The following ITPR1 variants were observed in gnomAD, a reference collection of about 807,000 sequenced individuals.
The protein encoded by ITPR1 is inositol 1,4,5-trisphosphate-gated calcium channel ITPR1.
Under a neutral mutation model 318.4 loss-of-function variants are expected in ITPR1, and 96 were observed. The observed-to-expected ratio is 0.30, with a 90% confidence interval of 0.26 to 0.36. The LOEUF is 0.36. ITPR1 is among the 10% of genes least tolerant of loss of function. The pLI is 1.00. For synonymous variants in ITPR1, 1,312 were observed against 1,289.9 expected (o/e 1.02, Z -0.37); for missense variants, 2,440 against 3,460.2 (o/e 0.71, Z 7.40).
intron 4 of ITPR1, among the ~76,000 whole-genome samples, chr3:4,573,846 A>G (rs1267435864): frequency 6.6e-6 from 1 of 152,206 alleles, no homozygotes; most frequent in East Asian, 1.9e-4. Context: ...ACTTTCTGAC[A>G]TCGTAGTGTA....
chr3:4,753,041 G>T (rs887520666), intron 44 of ITPR1, among the ~76,000 whole-genome samples: 10 of 152,210 alleles, frequency 6.6e-5, no homozygotes, highest in African/African-American at 1.7e-4. Context: ...GGGAGATACC[G>T]TTCAAGCTGA....
chr3:4,652,133 A>G lies in ITPR1; in HGVS notation c.866A>G (p.His289Arg), dbSNP rs2093610685. ...KALWEVEVVQ[H>R]DPCRGGAGYW... ...TGATCATTCTTGCAGGTGGTCCAGC[A>G]TGACCCATGTCGGGGCGGAGCAGGG... Residue 289 changes from histidine to arginine, a missense_variant, in exon 11 of 62, where the codon CAT (histidine) becomes CGT (arginine). Transcript: ENST00000649015. 1.2e-6 allele frequency: 2 copies of G among 1,612,168 alleles called. No individual in the cohort carries two copies. The highest frequency in any genetic ancestry group is 1.7e-6 in the Non-Finnish European group (2 of 1,179,250).
At chr3:4,522,658 C>T (rs1474747729) in intron 4 of ITPR1, among the ~76,000 whole-genome samples, 1 of 152,212 alleles carries the variant, frequency 6.6e-6, no homozygotes, top group African/African-American at 2.4e-5. Flanking sequence ...AAGACAAAAT[C>T]TTGAGTGCTG....
intron 61 of ITPR1, among the ~76,000 whole-genome samples, chr3:4,845,706 G>A (rs1474243571): frequency 6.6e-6 from 1 of 152,024 alleles, no homozygotes; most frequent in African/African-American, 2.4e-5. Context: ...GAAAAATCAG[G>A]ACCCACTGAA....
chr3:4,755,698 G>T (rs1463548576), intron 44 of ITPR1, among the ~76,000 whole-genome samples: 1 of 152,234 alleles, frequency 6.6e-6, no homozygotes, highest in Non-Finnish European at 1.5e-5. Context: ...TGAAGGAAGG[G>T]TTCTTTGTCC....
At chr3:4,594,943 G>C (rs1431023389) in intron 4 of ITPR1, among the ~76,000 whole-genome samples, 5 of 152,152 alleles carry the variant, frequency 3.3e-5, no homozygotes, top group Non-Finnish European at 7.3e-5. Context: ...GTATAGCAAA[G>C]TGGTTAAGGG....
intron 36 of ITPR1, among the ~76,000 whole-genome samples, chr3:4,703,657 T>C (rs189949844): frequency 3.9e-5 from 6 of 152,276 alleles, no homozygotes; most frequent in Admixed American, 3.9e-4. Flanking sequence ...GGTGTAGTTC[T>C]CAGCATTATT....
At chr3:4,560,524 T>A (rs1482664176) in intron 4 of ITPR1, among the ~76,000 whole-genome samples, 2 of 152,226 alleles carry the variant, frequency 1.3e-5, no homozygotes, top group Non-Finnish European at 2.9e-5. Context: ...TTAAATCATG[T>A]GTTTATGGAA....
chr3:4,754,493 C>T (rs1354161078), intron 44 of ITPR1, among the ~76,000 whole-genome samples: 10 of 152,194 alleles, frequency 6.6e-5, no homozygotes, highest in Admixed American at 6.5e-4. Context: ...CTGAGAGTTT[C>T]ACAAGAGCCA....
intron 56 of ITPR1, among the ~76,000 whole-genome samples, chr3:4,812,082 C>T (rs1303415783): frequency 1.3e-5 from 2 of 150,270 alleles, no homozygotes; most frequent in African/African-American, 4.9e-5. Context: ...CTCTGTCTCC[C>T]AGGCTGATGT....
chr3:4,769,485 G>C (rs2046048406), intron 46 of ITPR1, among the ~76,000 whole-genome samples: 1 of 152,212 alleles, frequency 6.6e-6, no homozygotes. Context: ...ATAAATATTT[G>C]TTGGTTGAAT....
chr3:4,744,904 CCTTCCTTCCTTCCTTCCTTCCTT>C, intron 44 of ITPR1, among the ~76,000 whole-genome samples: 1 of 4,528 alleles, frequency 2.2e-4, no homozygotes, highest in Non-Finnish European at 6.8e-4. Flanking sequence ...CTCCCTCCTT[CCTTCCTTCCTTCCTTCCTTCCTT>C]CCTTCCTTCC....
At chr3:4,707,608 A>G (rs938689830) in intron 37 of ITPR1, among the ~76,000 whole-genome samples, 5 of 152,220 alleles carry the variant, frequency 3.3e-5, no homozygotes, top group Admixed American at 3.3e-4. Flanking sequence ...GGGAATCTAG[A>G]CCATCATTCA....
Position 4,683,744 on chromosome 3 carries a change from C to A in ITPR1, c.3444C>A (p.Gly1148=), listed in dbSNP as rs755502766. ...KSELWVYKGQ[G]PDETMDGASG... ...AGCTTTGGGTGTACAAAGGGCAGGG[C>A]CCCGATGAGACTATGGATGGTGCAT... The change falls in exon 28 of 62, where the codon GGC becomes GGA. Residue 1148 remains glycine (G), a synonymous_variant. Coordinates refer to ENST00000649015, the MANE Select transcript of ITPR1 (RefSeq NM_001378452.1). 3 of 1,613,932 alleles carry A rather than the reference C, an allele frequency of 1.9e-6. No individual in the cohort carries two copies. Among genetic ancestry groups the A allele is most frequent in the Non-Finnish European group, 2.5e-6 (3 of 1,179,852 alleles).
intron 54 of ITPR1, among the ~76,000 whole-genome samples, chr3:4,805,752 T>C (rs2048514357): frequency 6.6e-6 from 1 of 152,230 alleles, no homozygotes; most frequent in Non-Finnish European, 1.5e-5. Flanking sequence ...AGGTGACTTC[T>C]GTGTTTGACT....
At chr3:4,505,064 C>T (rs546151097) in intron 2 of ITPR1, among the ~76,000 whole-genome samples, 1 of 152,058 alleles carries the variant, frequency 6.6e-6, no homozygotes, top group African/African-American at 2.4e-5. Context: ...TGAAACGGTG[C>T]CTTTTTGTCT....
chr3:4,737,749 C>T (rs1167139854), intron 44 of ITPR1, among the ~76,000 whole-genome samples: 1 of 152,138 alleles, frequency 6.6e-6, no homozygotes, highest in Non-Finnish European at 1.5e-5. Flanking sequence ...AGAACCTGAA[C>T]TTAAATCTCT....
intron 44 of ITPR1, chr3:4,749,914 C>T (rs2125343187): frequency 6.5e-6 from 1 of 152,908 alleles, no homozygotes; most frequent in East Asian, 1.9e-4. Flanking sequence ...GGCTGGATTT[C>T]AGGGGACCTG....
At chr3:4,634,321 C>G (rs2093111637) in intron 5 of ITPR1, among the ~76,000 whole-genome samples, 1 of 151,984 alleles carries the variant, frequency 6.6e-6, no homozygotes, top group Admixed American at 6.6e-5. Context: ...TTAAGTGATC[C>G]TCCCACCTCC....
Sources: gnomAD v4.1 joint callset for allele counts (sites outside exome capture counted in the v4.1 genomes callset) on GRCh38, gnomAD v4.1.1 for gene constraint, MANE v1.5 for transcripts, NCBI Gene and HGNC (gene_info 2026-07-23, HGNC 2026-07-21) for gene names.